KIR2DL4: variants seen among roughly 807,000 people sequenced by gnomAD.
KIR2DL4 encodes the protein killer cell immunoglobulin like receptor, two Ig domains and long cytoplasmic tail 4, also known as killer cell immunoglobulin-like receptor 2DL4.
A neutral mutation model predicts 31.0 loss-of-function variants in KIR2DL4; 41 were observed. The ratio of observed to expected loss-of-function variants is 1.32; its 90% confidence interval spans 1.03 to 1.72. KIR2DL4 has a LOEUF of 1.72. Ranked by LOEUF, KIR2DL4 falls within the 40% of genes most tolerant of loss-of-function variation. The pLI is 0.00. For synonymous variants in KIR2DL4, 164 were observed against 133.6 expected (o/e 1.23, Z -1.57); for missense variants, 438 against 353.7 (o/e 1.24, Z -1.91).
At chr19:54,806,011 A>G (rs758594335) in exon 4 of KIR2DL4, 8 of 1,610,712 alleles carry the variant, frequency 5.0e-6, no homozygotes, top group Admixed American at 1.7e-5. Context: ...GCAGGAGAGA[A>G]CGTGACCTTG....
At chr19:54,804,438 A>T (rs1010087692) in intron 2 of KIR2DL4, among the ~76,000 whole-genome samples, 1 of 151,128 alleles carries the variant, frequency 6.6e-6, no homozygotes, top group East Asian at 1.9e-4. Context: ...CGACCCTGCC[A>T]TTCCAAATCC....
chr19:54,803,719 G>C, intron 1 of KIR2DL4, 28 bp downstream of exon 1: 1 of 1,607,894 alleles, frequency 6.2e-7, no homozygotes, highest in Non-Finnish European at 8.5e-7. Context: ...AGGAGCACCA[G>C]GGTTACACTA....
exon 4 of KIR2DL4, chr19:54,806,116 G>C: frequency 6.2e-7 from 1 of 1,612,116 alleles, no homozygotes; most frequent in Non-Finnish European, 8.5e-7. Context: ...AGCATCAATG[G>C]AACATTCCAG....
exon 3 of KIR2DL4, chr19:54,805,038 T>C: frequency 6.2e-7 from 1 of 1,610,000 alleles, no homozygotes; most frequent in South Asian, 1.1e-5. Context: ...CCCCACTGAG[T>C]GGTCGGCACC....
chr19:54,806,651 G>T (rs984510790), intron 4 of KIR2DL4, among the ~76,000 whole-genome samples: 1 of 151,204 alleles, frequency 6.6e-6, no homozygotes, highest in Non-Finnish European at 1.5e-5. Context: ...GCTGATTGAG[G>T]TTAAATATAC....
chr19:54,814,442 G>C, exon 8 of KIR2DL4: 1 of 351,772 alleles, frequency 2.8e-6, no homozygotes, highest in South Asian at 3.2e-5. Flanking sequence ...TCAGCCTTCT[G>C]GCATCAGCAA....
At chr19:54,813,314 C>G in intron 6 of KIR2DL4, 1 of 1,572,448 alleles carries the variant, frequency 6.4e-7, no homozygotes, top group Non-Finnish European at 8.6e-7. Context: ...TCCTCACTGG[C>G]AGGAAAGTCT....
At chr19:54,807,393 G>A (rs2060591792) in intron 4 of KIR2DL4, among the ~76,000 whole-genome samples, 2 of 151,434 alleles carry the variant, frequency 1.3e-5, no homozygotes, top group Non-Finnish European at 2.9e-5. Context: ...ACCCACTAGT[G>A]GAATTGCTAG....
chr19:54,805,620 GA>G (rs1287726238), intron 3 of KIR2DL4, among the ~76,000 whole-genome samples: 1 of 149,780 alleles, frequency 6.7e-6, no homozygotes, highest in Non-Finnish European at 1.5e-5. Flanking sequence ...TCCAGAAGTG[GA>G]AGGGGTCAGT....
At chr19:54,805,833 T>TGAAAGA in intron 3 of KIR2DL4, 118 bp from the exon 4 acceptor site, 1 of 831,068 alleles carries the variant, frequency 1.2e-6, no homozygotes, top group African/African-American at 1.8e-5. Flanking sequence ...GGGTGGAGGG[T>TGAAAGA]GAGAGAGAGA....
chr19:54,803,852 C>A, intron 1 of KIR2DL4, 39 bp from the exon 2 acceptor site: 1 of 1,584,516 alleles, frequency 6.3e-7, no homozygotes, highest in Non-Finnish European at 8.6e-7. Flanking sequence ...GGGTAGGTTG[C>A]TGCCGAGATG....
intron 4 of KIR2DL4, among the ~76,000 whole-genome samples, chr19:54,807,050 G>T (rs2060574464): frequency 6.7e-6 from 1 of 149,804 alleles, no homozygotes; most frequent in African/African-American, 2.5e-5. Flanking sequence ...TTCTTCTTTT[G>T]TTACCCTCCA....
Position 54,813,265 on chromosome 19 carries a change from C to T in KIR2DL4, c.810+37C>T, listed in dbSNP as rs1214056634. 2.8e-5 allele frequency: 44 copies of T among 1,598,082 alleles called. 1 individual carries two copies. The highest frequency in any genetic ancestry group is 3.7e-5 in the Non-Finnish European group (44 of 1,175,822). On this transcript the variant is annotated intron_variant, in intron 6 of 7. Coordinates refer to ENST00000359085, the Ensembl canonical transcript of KIR2DL4. ...GAAGCAGAGGCCAGAGAACTCAGGG[C>T]CCTGTGCGGAAGCAGGATGGGAGCA...
chr19:54,809,129 C>T (rs2060705712), intron 5 of KIR2DL4, among the ~76,000 whole-genome samples: 1 of 151,224 alleles, frequency 6.6e-6, no homozygotes, highest in African/African-American at 2.4e-5. Flanking sequence ...ATCAGACATT[C>T]TTCTCAGGAA....
rs1308524539 is a variant in KIR2DL4, at chr19:54,806,271, G to A, written c.655+27G>A. 4 of 1,598,346 alleles carry A rather than the reference G, an allele frequency of 2.5e-6. 1 individual carries two copies. The South Asian group carries it at 3.3e-5, about 13-fold the overall frequency. ...TGAGGAAAGCCAATGTCTGTCCCATGTCCTATGGTCCTAGAGCCTTAGCTG... is the reference window on the plus strand; with the variant it reads ...TGAGGAAAGCCAATGTCTGTCCCATATCCTATGGTCCTAGAGCCTTAGCTG... On this transcript the variant is annotated intron_variant, in intron 4 of 7. Transcript: ENST00000359085.
exon 7 of KIR2DL4, chr19:54,813,702 T>C: frequency 6.2e-7 from 1 of 1,612,038 alleles, no homozygotes; most frequent in Non-Finnish European, 8.5e-7. Flanking sequence ...GCTGCTGTAA[T>C]GAACCAAGAG....
chr19:54,806,046 G>A (rs2060500376), exon 4 of KIR2DL4: 2 of 1,611,544 alleles, frequency 1.2e-6, no homozygotes, highest in Non-Finnish European at 1.7e-6. Flanking sequence ...GAGCTCCTTT[G>A]ACATCTACCA....
At chr19:54,804,726 C>T in intron 2 of KIR2DL4, 67 bp from the exon 3 acceptor site, 1 of 1,513,028 alleles carries the variant, frequency 6.6e-7, no homozygotes, top group Non-Finnish European at 9.0e-7. Flanking sequence ...GGAGAATCTT[C>T]TGAGCACAGG....
rs1304698351 is a variant in KIR2DL4, at chr19:54,813,426, T to A, written c.810+198T>A. On this transcript the variant is annotated intron_variant, in intron 6 of 7. Coordinates refer to ENST00000359085, the Ensembl canonical transcript of KIR2DL4. Reference sequence around the variant, plus strand: ...GACCGTTGCCTGATTGTGAACTGTATCCTCACGTCCCCTGCAGCCACTCAC... The same window carrying A: ...GACCGTTGCCTGATTGTGAACTGTAACCTCACGTCCCCTGCAGCCACTCAC... The A allele has an allele frequency of 5.2e-5, 41 of 795,528 alleles. 3 individuals carry two copies. The African/African-American group carries it at 6.7e-4, about 13-fold the overall frequency. The allele number at this position is 795,528 out of a possible 1,614,324, so 49.3% of individuals were successfully genotyped here.
Sources: gnomAD v4.1 joint callset for allele counts (sites outside exome capture counted in the v4.1 genomes callset) on GRCh38, gnomAD v4.1.1 for gene constraint, MANE v1.5 for transcripts, NCBI Gene and HGNC (gene_info 2026-07-23, HGNC 2026-07-21) for gene names.